SSR1: variants seen among roughly 807,000 people sequenced by gnomAD.
SSR1 encodes translocon-associated protein subunit alpha.
In SSR1, 13 loss-of-function variants were observed where a neutral mutation model predicts 36.1. The ratio of observed to expected loss-of-function variants is 0.36; its 90% confidence interval spans 0.23 to 0.57. The LOEUF is 0.57. Among genes scored for constraint, SSR1 ranks in the 20% least tolerant of loss-of-function variants. The pLI, the probability that SSR1 is intolerant of heterozygous loss-of-function variation, is 0.81. For synonymous variants in SSR1, 113 were observed against 118.9 expected (o/e 0.95, Z 0.32); for missense variants, 291 against 338.5 (o/e 0.86, Z 1.10).
chr6:7,313,164 C>G lies in SSR1; in HGVS notation c.-44G>C. On this transcript the variant is annotated 5_prime_UTR_variant, in exon 1 of 8. Transcript: ENST00000244763. ...TCCAGTTTCCGTCGGCTAAGGCTCT[C>G]GGCGGCTCCGGCGGTAATGGCGTTA... 8 of 1,536,030 alleles carry G rather than the reference C, an allele frequency of 5.2e-6. No individual in the cohort carries two copies. Among genetic ancestry groups the G allele is most frequent in the Non-Finnish European group, 7.1e-6 (8 of 1,133,438 alleles).
chr6:7,296,958 T>G (rs937741906), intron 6 of SSR1: 3 of 158,772 alleles, frequency 1.9e-5, no homozygotes, highest in African/African-American at 7.2e-5. Flanking sequence ...TGGTGGCTCA[T>G]GCCTACAATT....
In SSR1 at chr6:7,289,797, A is replaced by C; in HGVS notation, c.*67T>G. Reference sequence around the variant, plus strand: ...ATGGTGACATGGCTTCTCTGCACTAATTCCCATCAGGCCGAAAAATATTAG... The same window carrying C: ...ATGGTGACATGGCTTCTCTGCACTACTTCCCATCAGGCCGAAAAATATTAG... On this transcript the variant is annotated 3_prime_UTR_variant, in exon 8 of 8. Transcript: ENST00000244763. 6.2e-6 allele frequency: 9 copies of C among 1,450,994 alleles called. No individual in the cohort carries two copies. Among genetic ancestry groups the C allele is most frequent in the Non-Finnish European group, 8.4e-6 (9 of 1,070,840 alleles). The allele number at this position is 1,450,994 out of a possible 1,614,324, so 89.9% of individuals were successfully genotyped here.
At chr6:7,309,420 C>T (rs1416210487) in intron 2 of SSR1, among the ~76,000 whole-genome samples, 1 of 152,230 alleles carries the variant, frequency 6.6e-6, no homozygotes, top group Admixed American at 6.5e-5. Context: ...TATGCTCGTG[C>T]CACTGCACTC....
chr6:7,312,766 G>T (rs188262299), intron 1 of SSR1, among the ~76,000 whole-genome samples: 1 of 152,328 alleles, frequency 6.6e-6, no homozygotes, highest in Admixed American at 6.5e-5. Flanking sequence ...GAGGGTCCAG[G>T]GCAAGAGGAG....
intron 2 of SSR1, among the ~76,000 whole-genome samples, chr6:7,304,513 G>GA (rs1174180816): frequency 8.9e-5 from 13 of 146,732 alleles, no homozygotes; most frequent in South Asian, 2.1e-4. Context: ...AATTTTGAAG[G>GA]AAAAAAAAAA....
intron 2 of SSR1, among the ~76,000 whole-genome samples, chr6:7,307,852 A>G (rs1001662107): frequency 4.6e-5 from 7 of 152,192 alleles, no homozygotes; most frequent in Admixed American, 4.6e-4. Flanking sequence ...TTCCTCCACA[A>G]TAAGTACATT....
chr6:7,304,571 G>C (rs1758010251), intron 2 of SSR1, among the ~76,000 whole-genome samples: 1 of 152,080 alleles, frequency 6.6e-6, no homozygotes, highest in Admixed American at 6.5e-5. Flanking sequence ...TCCTAAAACT[G>C]AATTTATGTT....
At chr6:7,306,158 C>T (rs1398572055) in intron 2 of SSR1, among the ~76,000 whole-genome samples, 4 of 152,152 alleles carry the variant, frequency 2.6e-5, no homozygotes, top group Admixed American at 6.5e-5. Flanking sequence ...GACGGAGTCT[C>T]GCTCTGTTGC....
rs1195032760 is a variant in SSR1 at position 7,288,197 on chromosome 6, G to C, written c.*1667C>G. The C allele has an allele frequency of 6.6e-6, 1 of 152,090 alleles. No homozygotes were observed. 9.4% of individuals were successfully genotyped at this position (152,090 alleles called of 1,614,324 possible). ...CTTAGATATTCACAAAAATGTTTTGGAATATATTCCTTGGGAATGTGAAGG... is the reference window on the plus strand; with the variant it reads ...CTTAGATATTCACAAAAATGTTTTGCAATATATTCCTTGGGAATGTGAAGG... On this transcript the variant is annotated 3_prime_UTR_variant, in exon 8 of 8. Coordinates refer to ENST00000244763, the MANE Select transcript of SSR1 (RefSeq NM_003144.5).
In SSR1 at chr6:7,301,394, A is replaced by G. The variant is rs1445950468; in HGVS notation, c.459T>C (p.Thr153=). Residue 153 remains threonine, a synonymous_variant, in exon 4 of 8, where the codon ACT becomes ACC. Transcript: ENST00000244763. The part of the protein sequence containing the change: ...NTVVPPQRQA[T]FEYSFIPAEP... ...CTGCAGGAATGAAAGAGTACTCAAA[A>G]GTTGCCTGTCTCTGGGGTGGCACTA... 2 of 1,614,210 alleles carry G rather than the reference A, an allele frequency of 1.2e-6. No homozygotes were observed. The highest frequency in any genetic ancestry group is 2.2e-5 in the South Asian group (2 of 91,082).
In SSR1 at chr6:7,285,469, A is replaced by C. The variant is rs569158027; in HGVS notation, c.*4395T>G. On this transcript the variant is annotated 3_prime_UTR_variant, in exon 8 of 8. Coordinates refer to ENST00000244763, the MANE Select transcript of SSR1 (RefSeq NM_003144.5). This position sits in a 1 kb window ranked among gnomAD's most constrained non-coding sequence, Gnocchi z 4.1. ...GGTGGGTGAATCACTTGAGCTCAGG[A>C]GTTCGAGACCAGCCTGGCAACATGG... 2.0e-5 allele frequency: 3 copies of C among 152,344 alleles called. No individual in the cohort carries two copies. Among genetic ancestry groups the C allele is most frequent in the Non-Finnish European group, 4.4e-5 (3 of 68,168 alleles). The allele number at this position is 152,344 out of a possible 1,614,324, so 9.4% of individuals were successfully genotyped here. A position where few individuals can be genotyped will look rare whatever the true frequency, so the allele number is the denominator to read the frequency against.
chr6:7,295,264 T>C, intron 7 of SSR1, 128 bp downstream of exon 7: 1 of 1,078,742 alleles, frequency 9.3e-7, no homozygotes, highest in East Asian at 2.6e-5. Context: ...TATACTAGAT[T>C]CTACACAAGT....
chr6:7,306,091 G>T (rs546665856), intron 2 of SSR1, among the ~76,000 whole-genome samples: 1 of 152,256 alleles, frequency 6.6e-6, no homozygotes, highest in East Asian at 1.9e-4. Context: ...TCTGTACCTT[G>T]TAAGTTCTGA....
At chr6:7,308,998 A>T (rs1581638047) in intron 2 of SSR1, among the ~76,000 whole-genome samples, 1 of 152,316 alleles carries the variant, frequency 6.6e-6, no homozygotes, top group East Asian at 1.9e-4. Context: ...TTCTAGACTC[A>T]TGTCACCACG....
At chr6:7,290,127 C>G (rs1408749) in intron 7 of SSR1, among the ~76,000 whole-genome samples, 196 bp from the exon 8 acceptor site, 1 of 152,090 alleles carries the variant, frequency 6.6e-6, no homozygotes, top group African/African-American at 2.4e-5. Flanking sequence ...AAGAGGTAAC[C>G]CCAATTAAAA....
intron 7 of SSR1, 136 bp downstream of exon 7, chr6:7,295,256 T>C (rs1408944102): frequency 6.6e-6 from 7 of 1,066,310 alleles, no homozygotes; most frequent in South Asian, 3.0e-5. Flanking sequence ...TTAATCACTA[T>C]ACTAGATTCT....
rs1318094928 is a variant in SSR1 at position 7,286,326 on chromosome 6, A to C, written c.*3538T>G. On this transcript the variant is annotated 3_prime_UTR_variant, in exon 8 of 8. Coordinates refer to ENST00000244763, the MANE Select transcript of SSR1 (RefSeq NM_003144.5). Reference sequence around the variant, plus strand: ...GTTTTTGTATAAATGAAAAGGGATAAAAATTCATACAAAATCCATTAGTAA... The same window carrying C: ...GTTTTTGTATAAATGAAAAGGGATACAAATTCATACAAAATCCATTAGTAA... The C allele has an allele frequency of 6.6e-6, 1 of 152,226 alleles. No homozygotes were observed. The highest frequency in any genetic ancestry group is 1.9e-4 in the East Asian group (1 of 5,202). The allele number at this position is 152,226 out of a possible 1,614,324, so 9.4% of individuals were successfully genotyped here. A position where few individuals can be genotyped will look rare whatever the true frequency, so the allele number is the denominator to read the frequency against.
chr6:7,284,160 G>A lies in SSR1; in HGVS notation c.*5704C>T, dbSNP rs1370287209. ...AGAAATAGACTAATTTTCTTTGGGT[G>A]GTTCAGTCTGATGCTGAAATAAATT... On this transcript the variant is annotated 3_prime_UTR_variant, in exon 8 of 8. Coordinates refer to ENST00000244763, the MANE Select transcript of SSR1 (RefSeq NM_003144.5). The A allele has an allele frequency of 6.6e-6, 1 of 152,144 alleles. No homozygotes were observed. 9.4% of individuals were successfully genotyped at this position (152,144 alleles called of 1,614,324 possible).
rs1581623831 is a variant in SSR1, at chr6:7,286,958, G to T, written c.*2906C>A. ...AAAAAAGTACTATGGAAGTACTTAA[G>T]TACATCTGAAAATGTTTTTAAATTT... On this transcript the variant is annotated 3_prime_UTR_variant, in exon 8 of 8. Transcript: ENST00000244763. 1.4e-5 allele frequency: 2 copies of T among 142,268 alleles called. No homozygotes were observed. The highest frequency in any genetic ancestry group is 5.2e-5 in the African/African-American group (2 of 38,568). The allele number at this position is 142,268 out of a possible 1,614,324, so 8.8% of individuals were successfully genotyped here.
Sources: gnomAD v4.1 joint callset for allele counts (sites outside exome capture counted in the v4.1 genomes callset) on GRCh38, gnomAD v4.1.1 for gene constraint, Gnocchi (gnomAD v3.1) non-coding constraint, MANE v1.5 for transcripts, NCBI Gene and HGNC (gene_info 2026-07-23, HGNC 2026-07-21) for gene names.